TNFRSF4: variants seen among roughly 807,000 people sequenced by gnomAD.
TNFRSF4 encodes the protein tumor necrosis factor receptor superfamily member 4.
A neutral mutation model predicts 29.5 loss-of-function variants in TNFRSF4; 21 were observed. The ratio of observed to expected loss-of-function variants is 0.71; its 90% CI spans 0.51 to 1.03. The LOEUF is 1.03. Among genes scored for constraint, TNFRSF4 ranks in the 50% least tolerant of loss-of-function variants. The pLI is 0.00. For synonymous variants in TNFRSF4, 197 were observed against 172.7 expected (o/e 1.14, Z -1.10); for missense variants, 408 against 387.8 (o/e 1.05, Z -0.44).
intron 2 of TNFRSF4, 171 bp from the exon 3 acceptor site, chr1:1,213,264 C>A: frequency 6.5e-7 from 1 of 1,532,654 alleles, no homozygotes; most frequent in Non-Finnish European, 8.7e-7. Flanking sequence ...GGCTCCTGGG[C>A]CCTCCCTTCC....
rs1397877322 is a variant in TNFRSF4 at position 1,211,578 on chromosome 1, G to A, written c.811C>T (p.His271Tyr). The A allele has an allele frequency of 1.3e-6, 2 of 1,513,370 alleles. No individual in the cohort carries two copies. The highest frequency in any genetic ancestry group is 1.4e-5 in the African/African-American group (1 of 70,566). The allele number at this position is 1,513,370 out of a possible 1,614,324, so 93.7% of individuals were successfully genotyped here. Residue 271 changes from histidine (H) to tyrosine (Y), a missense_variant, in exon 7 of 7, where the codon CAC becomes TAC. Physicochemically the swap from His to Tyr is moderately conservative, Grantham distance 83. Transcript: ENST00000379236. ...TPIQEEQADAHSTLAKI is the reference protein window; with the variant it reads ...TPIQEEQADAYSTLAKI ...GGTCAGATCTTGGCCAGGGTGGAGTGGGCGTCGGCCTGCTCCTCTTGGATG... is the reference window on the plus strand; with the variant it reads ...GGTCAGATCTTGGCCAGGGTGGAGTAGGCGTCGGCCTGCTCCTCTTGGATG...
chr1:1,211,653 G>A lies in TNFRSF4; in HGVS notation c.764-28C>T, dbSNP rs769302103. On this transcript the variant is annotated intron_variant, in intron 6 of 6. Coordinates refer to ENST00000379236, the MANE Select transcript of TNFRSF4 (RefSeq NM_003327.4). ...GGGGAGGAAAAAAGGAGAGATTGGT[G>A]GGTGGGCCTCACCCGCCAGGAGCAG... 6 of 1,567,272 alleles carry A rather than the reference G, an allele frequency of 3.8e-6. No homozygotes were observed. The South Asian group carries it at 7.0e-5, about 18-fold the overall frequency.
intron 2 of TNFRSF4, 28 bp downstream of exon 2, chr1:1,213,635 G>T: frequency 1.3e-6 from 2 of 1,564,878 alleles, no homozygotes; most frequent in East Asian, 2.3e-5. Context: ...TGTGCTGGGT[G>T]GGGCTGTGGG....
chr1:1,212,841 A>T, intron 3 of TNFRSF4, 137 bp from the exon 4 acceptor site: 14 of 1,204,180 alleles, frequency 1.2e-5, no homozygotes, highest in Non-Finnish European at 1.6e-5. Flanking sequence ...CCCTGCCCAC[A>T]TCCCACCCGT....
Position 1,212,033 on chromosome 1 carries a change from G to T in TNFRSF4, c.543C>A (p.Gly181=), listed in dbSNP as rs756542209. 6 of 1,611,180 alleles carry T rather than the reference G, an allele frequency of 3.7e-6. No homozygotes were observed. Among genetic ancestry groups the T allele is most frequent in the African/African-American group, 2.7e-5 (2 of 74,852 alleles). The change falls in exon 5 of 7, where the codon GGC becomes GGA. Residue 181 remains glycine, a synonymous_variant. Coordinates refer to ENST00000379236, the MANE Select transcript of TNFRSF4 (RefSeq NM_003327.4). ...GGACAGTGATGGGCCTGGCCGGGGG[G>T]CCCTGGGTCTCCTGGGGCTGCGTGG... ...PPATQPQETQ[G]PPARPITVQP...
In TNFRSF4 at chr1:1,213,798, C is replaced by A; in HGVS notation, c.146-13G>T. On this transcript the variant is annotated splice_polypyrimidine_tract_variant and intron_variant, in intron 1 of 6. Transcript: ENST00000379236. ...ACCATCCCGTTGCCTGCAGCAGAGG[C>A]CGGCGTCAGGCAGCGGTCAGGCCCC... The A allele has an allele frequency of 6.3e-7, 1 of 1,588,894 alleles. No homozygotes were observed.
Position 1,214,074 on chromosome 1 carries a change from G to T in TNFRSF4, c.54C>A (p.Leu18=). The change falls in exon 1 of 7, where the codon CTC becomes CTA. Residue 18 remains leucine, a synonymous_variant. Coordinates refer to ENST00000379236, the MANE Select transcript of TNFRSF4 (RefSeq NM_003327.4). The surrounding 1 kb of genome is among the most constrained non-coding windows in gnomAD (Gnocchi z 4.2). ...TCACGGTGCTCAGCCCCAGGCCCAG[G>T]AGGAGCAGAGCCGCACACGGCCCGC... ...LGRGPCAALL[L]LGLGLSTVTG... 1 of 1,593,762 alleles carries T rather than the reference G, an allele frequency of 6.3e-7. No homozygotes were observed. Among genetic ancestry groups the T allele is most frequent in the East Asian group, 2.3e-5 (1 of 44,246 alleles).
chr1:1,213,056 T>G lies in TNFRSF4; in HGVS notation c.306A>C (p.Thr102=). Residue 102 remains threonine, a synonymous_variant, in exon 3 of 7, where the codon ACA becomes ACC. Transcript: ENST00000379236. ...GSERKQLCTA[T]QDTVCRCRAG... is the part of the protein sequence containing the mutation. Reference sequence around the variant, plus strand: ...CCCGGCAGCGGCAGACTGTGTCCTGTGTGGCCGTGCACAGCTGCTTCCGCT... The same window carrying G: ...CCCGGCAGCGGCAGACTGTGTCCTGGGTGGCCGTGCACAGCTGCTTCCGCT... 1 of 1,611,330 alleles carries G rather than the reference T, an allele frequency of 6.2e-7. No individual in the cohort carries two copies.
At position 1,212,994 on chromosome 1, in the gene TNFRSF4, A is replaced by C; in HGVS notation, c.368T>G (p.Val123Gly). 6 of 1,610,020 alleles carry C rather than the reference A, an allele frequency of 3.7e-6. No homozygotes were observed. The highest frequency in any genetic ancestry group is 1.1e-5 in the South Asian group (1 of 90,798). Reference sequence around the variant, plus strand: ...CCGGCCGCAGCCACCGAGCTCACCAACTCCAGGCTTGTAGCTGTCCAGGGG... The same window carrying C: ...CCGGCCGCAGCCACCGAGCTCACCACCTCCAGGCTTGTAGCTGTCCAGGGG... The part of the protein sequence containing the change: ...TQPLDSYKPG[V>G]DCAPCPPGHF... The change falls in exon 3 of 7, where the codon GTT becomes GGT. Residue 123 changes from valine to glycine, a missense_variant and splice_region_variant. Coordinates refer to ENST00000379236, the MANE Select transcript of TNFRSF4 (RefSeq NM_003327.4).
chr1:1,212,856 C>T, intron 3 of TNFRSF4, 136 bp downstream of exon 3: 4 of 1,245,770 alleles, frequency 3.2e-6, no homozygotes, highest in Non-Finnish European at 4.4e-6. Context: ...ACCCGTGGGC[C>T]CTGACCCGGG....
intron 2 of TNFRSF4, chr1:1,213,353 C>A: frequency 6.5e-7 from 1 of 1,531,358 alleles, no homozygotes; most frequent in Non-Finnish European, 8.7e-7. Flanking sequence ...CCGCCAGCCC[C>A]GCCTGCGGCA....
Position 1,211,644 on chromosome 1 carries a change from G to C in TNFRSF4, c.764-19C>G, listed in dbSNP as rs34945898. ...CCTCCCCCTGGGGAGGAAAAAAGGA[G>C]AGATTGGTGGGTGGGCCTCACCCGC... On this transcript the variant is annotated intron_variant, in intron 6 of 6. Transcript: ENST00000379236. 3 of 1,563,338 alleles carry C rather than the reference G, an allele frequency of 1.9e-6. No individual in the cohort carries two copies. In the East Asian group the frequency reaches 7.0e-5, roughly 37 times the overall value.
intron 4 of TNFRSF4, 140 bp from the exon 5 acceptor site, chr1:1,212,278 GC>G: frequency 9.9e-7 from 1 of 1,010,156 alleles, no homozygotes; most frequent in East Asian, 2.6e-5. Flanking sequence ...CAAGGACGCT[GC>G]CCAGCCCCAC....
intron 3 of TNFRSF4, 74 bp from the exon 4 acceptor site, chr1:1,212,778 G>A (rs948230090): frequency 2.7e-4 from 366 of 1,349,210 alleles, no homozygotes; most frequent in Non-Finnish European, 3.3e-4. Context: ...GAGCCTGTGG[G>A]GCAGGCACTT....
At chr1:1,212,163 T>G in intron 4 of TNFRSF4, 25 bp from the exon 5 acceptor site, 1 of 1,611,462 alleles carries the variant, frequency 6.2e-7, no homozygotes, top group Non-Finnish European at 8.5e-7. Flanking sequence ...GAGGTGTTGC[T>G]CAGGCCAGAA....
Position 1,212,605 on chromosome 1 carries a change from C to CTCCCAGCCCCTGGCCCCTCTGCCCCCTCA in TNFRSF4, c.437+32_437+33insTGAGGGGGCAGAGGGGCCAGGGGCTGGGA. 1.6e-6 allele frequency: 2 copies of CTCCCAGCCCCTGGCCCCTCTGCCCCCTCA among 1,256,420 alleles called. 1 individual carries two copies. Among genetic ancestry groups the CTCCCAGCCCCTGGCCCCTCTGCCCCCTCA allele is most frequent in the African/African-American group, 3.9e-5 (2 of 51,564 alleles). The allele number at this position is 1,256,420 out of a possible 1,614,324, so 77.8% of individuals were successfully genotyped here. A position where few individuals can be genotyped will look rare whatever the true frequency, so the allele number is the denominator to read the frequency against. On this transcript the variant is annotated intron_variant, in intron 4 of 6. Coordinates refer to ENST00000379236, the MANE Select transcript of TNFRSF4 (RefSeq NM_003327.4). ...CCTCCTAACCACCCCAACCCCCCCC[C>CTCCCAGCCCCTGGCCCCTCTGCCCCCTCA]AGCCCCTCCCAGCCCCTGGCCAGGC...
rs759293126 is a variant in TNFRSF4 at position 1,211,924 on chromosome 1, T to G, written c.634+18A>C. 21 of 1,530,654 alleles carry G rather than the reference T, an allele frequency of 1.4e-5. No individual in the cohort carries two copies. In the South Asian group the frequency reaches 2.3e-4, roughly 17 times the overall value. 94.8% of individuals were successfully genotyped at this position (1,530,654 alleles called of 1,614,324 possible). ...ATTCGGGTTGGGGGCCCCGCTGGGC[T>G]GGGCCAGGCGCCCTTACCCCCGGGG... On this transcript the variant is annotated intron_variant, in intron 5 of 6. Coordinates refer to ENST00000379236, the MANE Select transcript of TNFRSF4 (RefSeq NM_003327.4).
intron 4 of TNFRSF4, 96 bp downstream of exon 4, chr1:1,212,542 T>G: frequency 1.8e-4 from 15 of 83,222 alleles, no homozygotes; most frequent in East Asian, 8.0e-4. Flanking sequence ...CCACCCCACC[T>G]GCCCCCCCAG....
In TNFRSF4 at chr1:1,213,039, C is replaced by T. The variant is rs1402392323; in HGVS notation, c.323G>A (p.Arg108His). Reference protein sequence around the residue: ...LCTATQDTVCRCRAGTQPLDS... With the variant: ...LCTATQDTVCHCRAGTQPLDS... ...CAGGGGCTGGGTGCCCGCCCGGCAG[C>T]GGCAGACTGTGTCCTGTGTGGCCGT... Residue 108 changes from arginine to histidine, a missense_variant, in exon 3 of 7, where the codon CGC (arginine) becomes CAC (histidine). Arg to His is a conservative substitution (Grantham distance 29). Transcript: ENST00000379236. 31 of 1,611,396 alleles carry T rather than the reference C, an allele frequency of 1.9e-5. No homozygotes were observed. Among genetic ancestry groups the T allele is most frequent in the South Asian group, 3.3e-5 (3 of 90,990 alleles).
Sources: gnomAD v4.1 joint callset for allele counts on GRCh38, gnomAD v4.1.1 for gene constraint, Gnocchi (gnomAD v3.1) non-coding constraint, MANE v1.5 for transcripts, NCBI Gene and HGNC (gene_info 2026-07-23, HGNC 2026-07-21) for gene names.